Variants in TPST2 observed in about 807,000 individuals in gnomAD.
TPST2 encodes the protein protein-tyrosine sulfotransferase 2.
A neutral mutation model predicts 27.8 loss-of-function variants in TPST2; 16 were observed. The observed-to-expected ratio is 0.58, with a 90% CI of 0.39 to 0.88. The LOEUF is 0.88. Ranked by LOEUF, TPST2 falls within the 40% of genes least tolerant of loss-of-function variation. The pLI is 0.00. For synonymous variants in TPST2, 229 were observed against 231.7 expected, an observed-to-expected ratio of 0.99 and a Z score of 0.10; for missense variants, 464 against 543.1, an observed-to-expected ratio of 0.85 and a Z score of 1.45.
At chr22:26,548,201 G>A (rs928863433) in intron 1 of TPST2, among the ~76,000 whole-genome samples, 2 of 152,202 alleles carry the variant, frequency 1.3e-5, no homozygotes, top group Non-Finnish European at 2.9e-5. Context: ...CGGATGTGGG[G>A]CATGGTGGTT....
chr22:26,551,872 CTTTTCTTTTTCTTTT>C (rs370798412), intron 1 of TPST2, among the ~76,000 whole-genome samples: 5,729 of 119,914 alleles, frequency 0.048, 364 homozygotes, highest in African/African-American at 0.17. Flanking sequence ...TTTTCCTTTT[CTTTTCTTTTTCTTTT>C]TTTTTTTTTT....
rs532784189 is a variant in TPST2 at position 26,580,564 on chromosome 22, T to C, written c.-161+9489A>G. Among the ~76,000 whole-genome samples the C allele has an allele frequency of 1.2e-4, 18 of 152,350 alleles. No individual in the cohort carries two copies. In the South Asian group the frequency reaches 3.7e-3, roughly 32 times the overall value. ...CCAGAACCCCCTTTAATCGTATTCA[T>C]TTTTGTTCAATGGATCCAATATTTT... On this transcript the variant is annotated intron_variant, in intron 1 of 6. Coordinates refer to ENST00000338754, the MANE Select transcript of TPST2 (RefSeq NM_003595.5).
rs1039680974 is a variant in TPST2, at chr22:26,522,845, T to C, written c.*3430A>G. 5 of 152,542 alleles carry C rather than the reference T, an allele frequency of 3.3e-5. No individual in the cohort carries two copies. The highest frequency in any genetic ancestry group is 7.3e-5 in the Non-Finnish European group (5 of 68,280). 9.4% of individuals were successfully genotyped at this position (152,542 alleles called of 1,614,324 possible). A position where few individuals can be genotyped will look rare whatever the true frequency, so the allele number is the denominator to read the frequency against. On this transcript the variant is annotated 3_prime_UTR_variant, in exon 7 of 7. Coordinates refer to ENST00000338754, the MANE Select transcript of TPST2 (RefSeq NM_003595.5). ...CTGTAAACCCAACTCTTTGAGAGGC[T>C]GAGGAAGGATTGCTTGAGCCCAGGA... is the stretch of plus-strand genomic sequence containing the variant.
At chr22:26,550,569 G>A in intron 1 of TPST2, 3 of 985,480 alleles carry the variant, frequency 3.0e-6, no homozygotes, top group Non-Finnish European at 3.6e-6. Flanking sequence ...CACAAAGCCA[G>A]CTCAGGAGGT....
chr22:26,553,250 C>T (rs573327238), intron 1 of TPST2, among the ~76,000 whole-genome samples: 8 of 151,778 alleles, frequency 5.3e-5, no homozygotes, highest in African/African-American at 1.9e-4. Flanking sequence ...ATGTACAATT[C>T]GGGAAAACAA....
Position 26,525,065 on chromosome 22 carries a change from A to T in TPST2, c.*1210T>A, listed in dbSNP as rs2147166132. Reference sequence around the variant, plus strand: ...CCTATGTGACTGACATGCAATAAAAACCTAGACCCCAAGGCTAGGGTGAGC... The same window carrying T: ...CCTATGTGACTGACATGCAATAAAATCCTAGACCCCAAGGCTAGGGTGAGC... On this transcript the variant is annotated 3_prime_UTR_variant, in exon 7 of 7. Coordinates refer to ENST00000338754, the MANE Select transcript of TPST2 (RefSeq NM_003595.5). 6.6e-6 allele frequency: 1 copy of T among 152,194 alleles called. No homozygotes were observed. Among genetic ancestry groups the T allele is most frequent in the Non-Finnish European group, 1.5e-5 (1 of 68,020 alleles). 9.4% of individuals were successfully genotyped at this position (152,194 alleles called of 1,614,324 possible).
chr22:26,587,113 C>T (rs1928376252), intron 1 of TPST2, among the ~76,000 whole-genome samples: 1 of 152,120 alleles, frequency 6.6e-6, no homozygotes, highest in Non-Finnish European at 1.5e-5. Context: ...TGGGCAGGAC[C>T]AGACTTAATT....
chr22:26,541,807 A>G lies in TPST2; in HGVS notation c.-88-89T>C, dbSNP rs1925860098. On this transcript the variant is annotated intron_variant, in intron 2 of 6. Transcript: ENST00000338754. This position sits in a 1 kb window ranked among gnomAD's most constrained non-coding sequence, Gnocchi z 5.9. ...GCAAAGCCCTATAACTGCAAACAAG[A>G]GGCTGCTGACATGAATGCAGAGGGC... 7 of 1,262,330 alleles carry G rather than the reference A, an allele frequency of 5.5e-6. No homozygotes were observed. The highest frequency in any genetic ancestry group is 7.4e-6 in the Non-Finnish European group (7 of 951,826). 78.2% of individuals were successfully genotyped at this position (1,262,330 alleles called of 1,614,324 possible). A position where few individuals can be genotyped will look rare whatever the true frequency, so the allele number is the denominator to read the frequency against.
intron 1 of TPST2, among the ~76,000 whole-genome samples, chr22:26,582,055 T>A (rs561661350): frequency 6.6e-6 from 1 of 152,318 alleles, no homozygotes; most frequent in East Asian, 1.9e-4. Context: ...AATGTGGTCT[T>A]TAGACAAACA....
intron 5 of TPST2, among the ~76,000 whole-genome samples, chr22:26,529,288 G>A (rs777133400): frequency 6.6e-6 from 1 of 152,074 alleles, no homozygotes; most frequent in Non-Finnish European, 1.5e-5. Context: ...CACCACGAAT[G>A]GCTAATATTT....
At position 26,536,483 on chromosome 22, in the gene TPST2, G is replaced by A. The variant is rs774693805; in HGVS notation, c.846C>T (p.Ile282=). The part of the protein sequence containing the change: ...GKPGGVSLSK[I]ERSTDQVIKP... ...TGATGACCTGGTCCGTGGACCGCTC[G>A]ATCCTGGGGAGAGAGGAGACGCTGG... Residue 282 remains isoleucine, a synonymous_variant, in exon 4 of 7, where the codon ATC becomes ATT. Transcript: ENST00000338754. The A allele has an allele frequency of 5.8e-5, 88 of 1,521,602 alleles. 1 individual carries two copies. The East Asian group carries it at 1.2e-3, about 21-fold the overall frequency. 94.3% of individuals were successfully genotyped at this position (1,521,602 alleles called of 1,614,324 possible).
chr22:26,561,137 TGAAGATGAA>T, intron 1 of TPST2: 1 of 1,605,020 alleles, frequency 6.2e-7, no homozygotes. Context: ...ATGAAGAAGA[TGAAGATGAA>T]GAAGATGATG....
At chr22:26,550,801 G>A in intron 1 of TPST2, 1 of 312,474 alleles carries the variant, frequency 3.2e-6, no homozygotes, top group East Asian at 1.7e-4. Context: ...CAGGGTCCCT[G>A]GGAATCAGGG....
intron 1 of TPST2, among the ~76,000 whole-genome samples, chr22:26,587,832 C>T (rs1316019406): frequency 6.6e-6 from 1 of 152,074 alleles, no homozygotes; most frequent in Non-Finnish European, 1.5e-5. Context: ...GTGGCTCACA[C>T]CTATAATCCC....
intron 1 of TPST2, among the ~76,000 whole-genome samples, chr22:26,580,732 A>T (rs1045446528): frequency 6.6e-6 from 1 of 152,190 alleles, no homozygotes; most frequent in Non-Finnish European, 1.5e-5. Context: ...AGCCTAAGGA[A>T]GGATCCCCAA....
chr22:26,589,984 C>T (rs2145949108), intron 1 of TPST2, 69 bp downstream of exon 1: 1 of 151,814 alleles, frequency 6.6e-6, no homozygotes, highest in Non-Finnish European at 1.5e-5. Context: ...GAGGCCGACC[C>T]GCACGGCCCC....
At chr22:26,577,882 C>G (rs1284892069) in intron 1 of TPST2, among the ~76,000 whole-genome samples, 2 of 151,658 alleles carry the variant, frequency 1.3e-5, no homozygotes, top group African/African-American at 4.8e-5. Context: ...TGGTCTCAAA[C>G]TCCTGACCTC....
chr22:26,586,396 C>T (rs957735829), intron 1 of TPST2, among the ~76,000 whole-genome samples: 3 of 152,026 alleles, frequency 2.0e-5, no homozygotes, highest in African/African-American at 4.8e-5. Context: ...AATACAGGCG[C>T]GCACCACCAC....
intron 3 of TPST2, among the ~76,000 whole-genome samples, chr22:26,537,625 G>A (rs1041310426): frequency 6.6e-6 from 1 of 152,066 alleles, no homozygotes; most frequent in African/African-American, 2.4e-5. Context: ...GCTAATTTTT[G>A]TATTTTTAGA....
Sources: allele counts gnomAD v4.1 joint callset (sites outside exome capture counted in the v4.1 genomes callset), GRCh38; gene constraint gnomAD v4.1.1; non-coding constraint Gnocchi (gnomAD v3.1); transcripts MANE v1.5; gene names NCBI Gene and HGNC (gene_info 2026-07-23, HGNC 2026-07-21).